The following PLOD1 variants were observed in gnomAD, a reference collection of about 807,000 sequenced individuals.
PLOD1 encodes procollagen-lysine,2-oxoglutarate 5-dioxygenase 1, also known as lysine hydroxylase.
Under a neutral mutation model 94.7 loss-of-function variants are expected in PLOD1, and 70 were observed. The observed-to-expected ratio is 0.74, with a 90% CI of 0.61 to 0.90. The LOEUF (loss-of-function observed/expected upper bound fraction) is 0.90. PLOD1 is among the 40% of genes least tolerant of loss of function. The pLI is 0.00. For synonymous variants in PLOD1, 417 were observed against 400.2 expected, an observed-to-expected ratio of 1.04 and a Z score of -0.50; for missense variants, 905 against 972.7, an observed-to-expected ratio of 0.93 and a Z score of 0.93.
chr1:11,967,616 A>ATATATATATATATATATAAAT (rs35226154), intron 16 of PLOD1, among the ~76,000 whole-genome samples: 2 of 75,132 alleles, frequency 2.7e-5, no homozygotes, highest in South Asian at 5.8e-4. Context: ...TATATATATA[A>ATATATATATATATATATAAAT]AAAGAAATAT....
intron 18 of PLOD1, among the ~76,000 whole-genome samples, chr1:11,973,454 C>G: frequency 6.6e-6 from 1 of 152,066 alleles, no homozygotes. Flanking sequence ...GAGCTGAGAT[C>G]ATGCCACTGC....
Position 11,958,589 on chromosome 1 carries a change from A to G in PLOD1, c.917A>G (p.Gln306Arg). 1 of 1,614,026 alleles carries G rather than the reference A, an allele frequency of 6.2e-7. No individual in the cohort carries two copies. Among genetic ancestry groups the G allele is most frequent in the Non-Finnish European group, 8.5e-7 (1 of 1,179,992 alleles). ...QPTPFVSLFF[Q>R]RLLRLHYPQK... is the part of the protein sequence containing the mutation. ...ACGCCGTTTGTGTCCCTGTTCTTCC[A>G]GCGGCTCCTGCGGCTCCACTACCCC... Residue 306 changes from glutamine (Q) to arginine (R), a missense_variant, in exon 9 of 19, where the codon CAG (glutamine) becomes CGG (arginine). Physicochemically the swap from Gln to Arg is conservative, Grantham distance 43. Coordinates refer to ENST00000196061, the MANE Select transcript of PLOD1 (RefSeq NM_000302.4). The surrounding 1 kb of genome is among the most constrained non-coding windows in gnomAD (Gnocchi z 4.3).
intron 1 of PLOD1, among the ~76,000 whole-genome samples, chr1:11,935,955 G>C (rs889184970): frequency 6.7e-6 from 1 of 150,260 alleles, no homozygotes; most frequent in Non-Finnish European, 1.5e-5. Context: ...CAGCCTCCCA[G>C]GTAGGTGGGA....
intron 1 of PLOD1, chr1:11,944,600 G>A (rs1482426433): frequency 7.3e-7 from 1 of 1,363,928 alleles, no homozygotes; most frequent in Non-Finnish European, 9.8e-7. Context: ...GTCCTGGCAG[G>A]AGCTCGGGGG....
intron 14 of PLOD1, 95 bp from the exon 15 acceptor site, chr1:11,966,156 G>A (rs991834784): frequency 9.0e-6 from 8 of 893,464 alleles, no homozygotes; most frequent in South Asian, 1.4e-5. Flanking sequence ...TGTCAAGCAC[G>A]TACACCTTCA....
intron 5 of PLOD1, chr1:11,954,232 G>A (rs1645722186): frequency 8.1e-6 from 2 of 247,824 alleles, no homozygotes; most frequent in African/African-American, 4.6e-5. Flanking sequence ...CACTTTGGGA[G>A]GCGGGGGGCG....
chr1:11,956,438 G>T (rs188723918), intron 6 of PLOD1, among the ~76,000 whole-genome samples: 32 of 152,268 alleles, frequency 2.1e-4, no homozygotes, highest in African/African-American at 7.7e-4. Context: ...GAACCCTGCT[G>T]CAGGGGCTCC....
chr1:11,955,902 A>G (rs768269980), intron 6 of PLOD1, among the ~76,000 whole-genome samples: 4 of 152,108 alleles, frequency 2.6e-5, no homozygotes, highest in Admixed American at 6.6e-5. Flanking sequence ...CTGAGATTAC[A>G]GACGTGAGCC....
At chr1:11,973,532 G>A (rs1455724171) in intron 18 of PLOD1, among the ~76,000 whole-genome samples, 1 of 151,962 alleles carries the variant, frequency 6.6e-6, no homozygotes, top group Non-Finnish European at 1.5e-5. Flanking sequence ...TTTGAACTTA[G>A]CCCTGGGCTG....
chr1:11,950,637 T>G, intron 4 of PLOD1, 117 bp downstream of exon 4: 1 of 870,902 alleles, frequency 1.1e-6, no homozygotes. Flanking sequence ...CAGTGCAGAA[T>G]GTCCTGAATA....
intron 5 of PLOD1, among the ~76,000 whole-genome samples, chr1:11,953,652 C>T (rs1036707138): frequency 1.3e-5 from 2 of 151,362 alleles, no homozygotes; most frequent in Non-Finnish European, 2.9e-5. Flanking sequence ...ATTAGCCGTG[C>T]GTGGTGGTGG....
At position 11,964,326 on chromosome 1, in the gene PLOD1, G is replaced by GT; in HGVS notation, c.1328+27dup. On this transcript the variant is annotated intron_variant, in intron 12 of 18. Coordinates refer to ENST00000196061, the MANE Select transcript of PLOD1 (RefSeq NM_000302.4). ...GTGAGTACCTGCAGGGTGGGGGTGG[G>GT]TGGGGGACACCTTCATCTGGCTTCT... is the stretch of plus-strand genomic sequence containing the variant. The GT allele has an allele frequency of 9.1e-6, 14 of 1,530,728 alleles. No individual in the cohort carries two copies. The Admixed American group carries it at 1.3e-4, about 14-fold the overall frequency. 94.8% of individuals were successfully genotyped at this position (1,530,728 alleles called of 1,614,324 possible).
chr1:11,961,946 A>G (rs1323953810), intron 10 of PLOD1, among the ~76,000 whole-genome samples: 2 of 152,048 alleles, frequency 1.3e-5, no homozygotes, highest in African/African-American at 2.4e-5. Context: ...TTGCCACCAC[A>G]CCTGGCTAAT....
At chr1:11,970,482 CCA>C (rs1645853592) in intron 16 of PLOD1, among the ~76,000 whole-genome samples, 186 bp from the exon 17 acceptor site, 1 of 152,076 alleles carries the variant, frequency 6.6e-6, no homozygotes, top group Non-Finnish European at 1.5e-5. Flanking sequence ...TCAGGCCCCC[CCA>C]GGATAATCTC....
rs1645747674 is a variant in PLOD1 at position 11,957,574 on chromosome 1, G to A, written c.742-268G>A. 6.6e-6 allele frequency among the ~76,000 whole-genome samples: 1 copy of A among 152,220 alleles called. No homozygotes were observed. Among genetic ancestry groups the A allele is most frequent in the African/African-American group, 2.4e-5 (1 of 41,458 alleles). ...AATTTGCTGATTTCACCCAGGATCTGTTCAGATGGAATCTCTGAGCGGGGT... is the reference window on the plus strand; with the variant it reads ...AATTTGCTGATTTCACCCAGGATCTATTCAGATGGAATCTCTGAGCGGGGT... On this transcript the variant is annotated intron_variant, in intron 7 of 18. Transcript: ENST00000196061. This position sits in a 1 kb window ranked among gnomAD's most constrained non-coding sequence, Gnocchi z 4.1.
Position 11,974,991 on chromosome 1 carries a change from CT to C in PLOD1, c.*186del. The C allele has an allele frequency of 1.4e-6, 1 of 693,864 alleles. No individual in the cohort carries two copies. The highest frequency in any genetic ancestry group is 1.8e-5 in the African/African-American group (1 of 56,088). The allele number at this position is 693,864 out of a possible 1,614,324, so 43.0% of individuals were successfully genotyped here. ...CCTGCAGGCCAGAGGCGGAACACAC[CT>C]TTATGGCTGGGGCTCTCCGTGGTGT... is the stretch of plus-strand genomic sequence containing the variant. On this transcript the variant is annotated 3_prime_UTR_variant, in exon 19 of 19. Coordinates refer to ENST00000196061, the MANE Select transcript of PLOD1 (RefSeq NM_000302.4).
At chr1:11,973,375 CTG>C in intron 18 of PLOD1, among the ~76,000 whole-genome samples, 1 of 152,038 alleles carries the variant, frequency 6.6e-6, no homozygotes, top group East Asian at 2.0e-4. Context: ...TAGCACACAC[CTG>C]TAATCTTAGC....
chr1:11,964,323 T>TGGGTGGGGGGGGGG, intron 12 of PLOD1, 23 bp downstream of exon 12: 3 of 274,728 alleles, frequency 1.1e-5, no homozygotes, highest in Admixed American at 4.2e-5. Context: ...AGGGTGGGGG[T>TGGGTGGGGGGGGGG]GGGTGGGGGA....
At chr1:11,968,608 G>T (rs1645838922) in intron 16 of PLOD1, among the ~76,000 whole-genome samples, 1 of 148,674 alleles carries the variant, frequency 6.7e-6, no homozygotes, top group Admixed American at 6.7e-5. Flanking sequence ...CCGCCTCCCA[G>T]GTTCAAGCAG....
Sources: allele counts gnomAD v4.1 joint callset (sites outside exome capture counted in the v4.1 genomes callset), GRCh38; gene constraint gnomAD v4.1.1; non-coding constraint Gnocchi (gnomAD v3.1); transcripts MANE v1.5; gene names NCBI Gene and HGNC (gene_info 2026-07-23, HGNC 2026-07-21).